The following CDH4 variants were observed in gnomAD, a reference collection of about 807,000 sequenced individuals.
CDH4 encodes cadherin-4.
Under a neutral mutation model 86.0 loss-of-function variants are expected in CDH4, and 33 were observed. That is an observed-to-expected ratio of 0.38 (90% CI 0.29 to 0.51). CDH4 has a LOEUF of 0.51. CDH4 is among the 20% of genes least tolerant of loss of function. CDH4 has a pLI of 0.86. For synonymous variants in CDH4, 555 were observed against 549.4 expected, an observed-to-expected ratio of 1.01 and a Z score of -0.14; for missense variants, 1,114 against 1,307.4, an observed-to-expected ratio of 0.85 and a Z score of 2.28.
In CDH4 at chr20:61,565,175, G is replaced by A. The variant is rs867975953; in HGVS notation, c.170-178388G>A. ...TAGTGGTCCTCTTGGTGATGGGGTG[G>A]TGGTGGTGGTGGTCCTCTTGGTGGT... On this transcript the variant is annotated intron_variant, in intron 2 of 15. Transcript: ENST00000614565. Among the ~76,000 whole-genome samples the A allele has an allele frequency of 1.3e-3, 133 of 103,046 alleles. 3 individuals are homozygous for A. Among genetic ancestry groups the A allele is most frequent in the Non-Finnish European group, 1.6e-3 (77 of 49,506 alleles). 67.6% of individuals were successfully genotyped at this position (103,046 alleles called of 152,430 possible).
At chr20:61,714,058 T>TTATGTTATGTTATGTTATGTTATGTTATG (rs2087925031) in intron 2 of CDH4, among the ~76,000 whole-genome samples, 1 of 136,214 alleles carries the variant, frequency 7.3e-6, no homozygotes, top group Admixed American at 7.5e-5. Context: ...TTTATTTTAT[T>TTATGTTATGTTATGTTATGTTATGTTATG]TTATTTGAGA....
At chr20:61,545,360 G>A (rs2086070161) in intron 2 of CDH4, among the ~76,000 whole-genome samples, 1 of 152,232 alleles carries the variant, frequency 6.6e-6, no homozygotes, top group African/African-American at 2.4e-5. Context: ...GCCGGCCGTG[G>A]GCTGGAACTT....
intron 4 of CDH4, among the ~76,000 whole-genome samples, chr20:61,831,363 T>G (rs368186739): frequency 5.3e-5 from 8 of 152,338 alleles, no homozygotes; most frequent in South Asian, 2.1e-4. Flanking sequence ...TTGTAAAAAG[T>G]TGTCCATTTT....
At chr20:61,895,948 G>A (rs565289976) in intron 8 of CDH4, among the ~76,000 whole-genome samples, 17 of 152,194 alleles carry the variant, frequency 1.1e-4, no homozygotes, top group Non-Finnish European at 1.5e-4. Context: ...AGGCTGGGAC[G>A]TGCAGAGGGG....
chr20:61,484,894 A>G (rs1345552990), intron 2 of CDH4, among the ~76,000 whole-genome samples: 1 of 152,018 alleles, frequency 6.6e-6, no homozygotes, highest in Non-Finnish European at 1.5e-5. Flanking sequence ...TTTCCATCTC[A>G]TCTGTTTGCA....
intron 4 of CDH4, among the ~76,000 whole-genome samples, chr20:61,809,567 G>A (rs1980321832): frequency 6.6e-6 from 1 of 152,216 alleles, no homozygotes; most frequent in Admixed American, 6.5e-5. Flanking sequence ...CATGCTTGGA[G>A]GAGGGAAAGC....
At chr20:61,296,254 CATGTGTGCGT>C (rs999023906) in intron 2 of CDH4, among the ~76,000 whole-genome samples, 16 of 45,834 alleles carry the variant, frequency 3.5e-4, no homozygotes, top group East Asian at 1.6e-3. Context: ...TGTGTGTGTG[CATGTGTGCGT>C]GTGTGTGTGT....
chr20:61,848,551 A>G (rs1982567727), intron 5 of CDH4, among the ~76,000 whole-genome samples: 1 of 151,956 alleles, frequency 6.6e-6, no homozygotes, highest in African/African-American at 2.4e-5. Flanking sequence ...TTTGAGACAG[A>G]GTCTGACTTC....
intron 3 of CDH4, among the ~76,000 whole-genome samples, chr20:61,752,100 G>T (rs528139841): frequency 6.6e-6 from 1 of 152,320 alleles, no homozygotes; most frequent in South Asian, 2.1e-4. Flanking sequence ...GGGAGGCCAA[G>T]GTGGGCAGAT....
At chr20:61,376,797 A>G (rs1417651246) in intron 2 of CDH4, among the ~76,000 whole-genome samples, 2 of 152,216 alleles carry the variant, frequency 1.3e-5, no homozygotes, top group Non-Finnish European at 2.9e-5. Flanking sequence ...GACAAAGTTC[A>G]GAGACACAGG....
At chr20:61,627,332 G>A (rs1045985961) in intron 2 of CDH4, among the ~76,000 whole-genome samples, 2 of 152,160 alleles carry the variant, frequency 1.3e-5, no homozygotes, top group Non-Finnish European at 2.9e-5. Context: ...GCCGGCTTCA[G>A]GCCCGTGGGA....
intron 4 of CDH4, among the ~76,000 whole-genome samples, chr20:61,791,223 T>G (rs75996968): frequency 0.054 from 8,226 of 152,320 alleles, 701 homozygotes; most frequent in African/African-American, 0.18. Context: ...TTCTTCCAGG[T>G]GTTTGGGGAA....
chr20:61,722,641 C>A (rs6061767), intron 2 of CDH4, among the ~76,000 whole-genome samples: 6 of 151,276 alleles, frequency 4.0e-5, no homozygotes, highest in South Asian at 2.1e-4. Context: ...CCCCACCCCC[C>A]ACGCATGCAC....
At chr20:61,815,695 C>T (rs906272211) in intron 4 of CDH4, among the ~76,000 whole-genome samples, 3 of 152,200 alleles carry the variant, frequency 2.0e-5, no homozygotes, top group Non-Finnish European at 4.4e-5. Context: ...TTTCGACGCC[C>T]GGAGGCCCGG....
At chr20:61,683,855 G>A (rs1045226103) in intron 2 of CDH4, among the ~76,000 whole-genome samples, 3 of 152,168 alleles carry the variant, frequency 2.0e-5, no homozygotes, top group South Asian at 2.1e-4. Context: ...CCTGCCTGCC[G>A]TGGGGTGAGG....
intron 2 of CDH4, among the ~76,000 whole-genome samples, chr20:61,497,959 A>G (rs1330814573): frequency 2.0e-5 from 3 of 151,468 alleles, no homozygotes; most frequent in Admixed American, 6.6e-5. Context: ...TTGCAAGGAC[A>G]AAAAACCAAA....
intron 2 of CDH4, among the ~76,000 whole-genome samples, chr20:61,372,140 T>C (rs1329794912): frequency 6.6e-6 from 1 of 152,216 alleles, no homozygotes; most frequent in Non-Finnish European, 1.5e-5. Flanking sequence ...TTTTGGCCCC[T>C]AAGTGAAGCG....
chr20:61,708,028 G>A lies in CDH4; in HGVS notation c.170-35535G>A, dbSNP rs1398178590. Among the ~76,000 whole-genome samples the A allele has an allele frequency of 6.6e-6, 1 of 152,166 alleles. No homozygotes were observed. Among genetic ancestry groups the A allele is most frequent in the Admixed American group, 6.5e-5 (1 of 15,282 alleles). ...GACAGTGGAGTTTGCATCCACCAGT[G>A]CTGAGGAGAGGAGGCAGCCCAGCTG... is the stretch of plus-strand genomic sequence containing the variant. On this transcript the variant is annotated intron_variant, in intron 2 of 15. Coordinates refer to ENST00000614565, the MANE Select transcript of CDH4 (RefSeq NM_001794.5). The surrounding 1 kb of genome is among the most constrained non-coding windows in gnomAD (Gnocchi z 4.5).
chr20:61,526,283 A>G (rs2085909686), intron 2 of CDH4, among the ~76,000 whole-genome samples: 1 of 152,052 alleles, frequency 6.6e-6, no homozygotes, highest in Non-Finnish European at 1.5e-5. Context: ...TGTATGAGTC[A>G]GGATCCAAGG....
Sources: gnomAD v4.1 joint callset for allele counts (sites outside exome capture counted in the v4.1 genomes callset) on GRCh38, gnomAD v4.1.1 for gene constraint, Gnocchi (gnomAD v3.1) non-coding constraint, MANE v1.5 for transcripts, NCBI Gene and HGNC (gene_info 2026-07-23, HGNC 2026-07-21) for gene names.